The following CACNG2 variants were observed in gnomAD, a reference collection of about 807,000 sequenced individuals.
CACNG2 encodes the protein voltage-dependent calcium channel gamma-2 subunit.
Under a neutral mutation model 25.9 loss-of-function variants are expected in CACNG2, and 3 were observed. That is an observed-to-expected ratio of 0.12 (90% CI 0.05 to 0.30). The LOEUF (loss-of-function observed/expected upper bound fraction) is 0.30. Among genes scored for constraint, CACNG2 ranks in the 10% least tolerant of loss-of-function variants. The probability of loss-of-function intolerance (pLI) is 1.00; values close to 1 mark genes in which losing one functional copy is unlikely to be tolerated. For synonymous variants in CACNG2, 167 were observed against 173.3 expected (o/e 0.96, Z 0.29); for missense variants, 341 against 432.5 (o/e 0.79, Z 1.88).
intron 1 of CACNG2, among the ~76,000 whole-genome samples, chr22:36,649,393 G>C (rs890840205): frequency 6.6e-6 from 1 of 151,672 alleles, no homozygotes; most frequent in Non-Finnish European, 1.5e-5. Flanking sequence ...CCAGATTCCA[G>C]TTATTCTTCT....
intron 1 of CACNG2, among the ~76,000 whole-genome samples, chr22:36,700,756 T>G (rs553258514): frequency 1.3e-5 from 2 of 152,312 alleles, no homozygotes; most frequent in South Asian, 4.1e-4. Flanking sequence ...ATTTTCTGGC[T>G]GGGGAAGAGC....
chr22:36,604,477 A>G (rs1015746316), intron 1 of CACNG2, among the ~76,000 whole-genome samples: 1 of 152,270 alleles, frequency 6.6e-6, no homozygotes, highest in Non-Finnish European at 1.5e-5. Flanking sequence ...ATATCAAACA[A>G]TATCACTTGC....
At chr22:36,659,217 T>C (rs1441339871) in intron 1 of CACNG2, among the ~76,000 whole-genome samples, 3 of 152,058 alleles carry the variant, frequency 2.0e-5, no homozygotes, top group Non-Finnish European at 4.4e-5. Flanking sequence ...TCTGTCCTCT[T>C]GTGGGTGAGG....
chr22:36,596,129 G>T (rs1935674724), intron 1 of CACNG2, among the ~76,000 whole-genome samples: 1 of 152,236 alleles, frequency 6.6e-6, no homozygotes, highest in Non-Finnish European at 1.5e-5. Flanking sequence ...AGCCAGGAGG[G>T]GACACGGTGG....
In CACNG2 at chr22:36,563,661, C is replaced by T. The variant is rs375060504; in HGVS notation, c.*690G>A. Among the ~76,000 whole-genome samples, 2 of 152,012 alleles carry T rather than the reference C, an allele frequency of 1.3e-5. No individual in the cohort carries two copies. The highest frequency in any genetic ancestry group is 2.4e-5 in the African/African-American group (1 of 41,410). On this transcript the variant is annotated 3_prime_UTR_variant, in exon 4 of 4. Transcript: ENST00000300105. ...CTACGATTGCCCCATCAATGCTGGG[C>T]GGAGCCGGCTCGAGCTCTGAGCCTT... is the stretch of plus-strand genomic sequence containing the variant.
chr22:36,623,956 C>T (rs1027119987), intron 1 of CACNG2, among the ~76,000 whole-genome samples: 5 of 152,184 alleles, frequency 3.3e-5, no homozygotes, highest in Non-Finnish European at 5.9e-5. Flanking sequence ...GCCTCCAAGA[C>T]GGGGTTGGTC....
intron 1 of CACNG2, among the ~76,000 whole-genome samples, chr22:36,642,690 A>G (rs1450856569): frequency 6.6e-6 from 1 of 152,210 alleles, no homozygotes; most frequent in Non-Finnish European, 1.5e-5. Flanking sequence ...CTTAGACAAC[A>G]GGGGAAAGAC....
At chr22:36,626,108 C>T (rs1275313317) in intron 1 of CACNG2, among the ~76,000 whole-genome samples, 7 of 152,094 alleles carry the variant, frequency 4.6e-5, no homozygotes, top group African/African-American at 1.2e-4. Context: ...TTAGTAGAGA[C>T]GGGGTTTCAC....
intron 1 of CACNG2, among the ~76,000 whole-genome samples, chr22:36,609,343 GTGAT>G (rs1935891545): frequency 1.4e-5 from 2 of 141,760 alleles, no homozygotes; most frequent in Admixed American, 1.4e-4. Context: ...CCCCTAGAGT[GTGAT>G]CGGGCAGGAA....
intron 1 of CACNG2, among the ~76,000 whole-genome samples, chr22:36,648,281 A>T (rs1936557938): frequency 6.6e-6 from 1 of 152,250 alleles, no homozygotes; most frequent in Non-Finnish European, 1.5e-5. Context: ...AAATGCAAAT[A>T]AAAAATTTAA....
chr22:36,697,471 C>T (rs1937355237), intron 1 of CACNG2, among the ~76,000 whole-genome samples: 2 of 152,120 alleles, frequency 1.3e-5, no homozygotes, highest in South Asian at 2.1e-4. Flanking sequence ...CAATGTAGCC[C>T]GATGAGTCAT....
chr22:36,644,636 T>C (rs1936491081), intron 1 of CACNG2, among the ~76,000 whole-genome samples: 1 of 152,216 alleles, frequency 6.6e-6, no homozygotes, highest in Non-Finnish European at 1.5e-5. Flanking sequence ...CTGAATGACT[T>C]TGGCAAATTT....
At chr22:36,650,383 T>C (rs1388929171) in intron 1 of CACNG2, among the ~76,000 whole-genome samples, 1 of 152,076 alleles carries the variant, frequency 6.6e-6, no homozygotes, top group Non-Finnish European at 1.5e-5. Flanking sequence ...TTTTACTTTT[T>C]TTCTTGAGAC....
At chr22:36,584,089 C>T (rs1935462349) in intron 2 of CACNG2, among the ~76,000 whole-genome samples, 1 of 152,320 alleles carries the variant, frequency 6.6e-6, no homozygotes, top group South Asian at 2.1e-4. Flanking sequence ...AAGTGACATG[C>T]CCTCAGGACC....
intron 2 of CACNG2, among the ~76,000 whole-genome samples, chr22:36,572,966 T>C (rs1055710925): frequency 6.6e-6 from 1 of 152,194 alleles, no homozygotes; most frequent in African/African-American, 2.4e-5. Flanking sequence ...CATGTCTTTC[T>C]AGAGCTTATA....
chr22:36,635,461 T>G (rs997910911), intron 1 of CACNG2, among the ~76,000 whole-genome samples: 18 of 152,134 alleles, frequency 1.2e-4, no homozygotes, highest in Non-Finnish European at 5.9e-5. Context: ...AGGACAAAGA[T>G]GCTTGTTACT....
intron 1 of CACNG2, among the ~76,000 whole-genome samples, chr22:36,648,004 T>C (rs981554642): frequency 1.3e-5 from 2 of 152,232 alleles, no homozygotes; most frequent in African/African-American, 4.8e-5. Flanking sequence ...TTTAAAAATA[T>C]TGTTGAATGA....
chr22:36,662,841 C>G (rs1002434726), intron 1 of CACNG2, among the ~76,000 whole-genome samples: 1 of 152,034 alleles, frequency 6.6e-6, no homozygotes, highest in South Asian at 2.1e-4. Context: ...GTTGAGGAGC[C>G]GGGATTTGAA....
chr22:36,630,279 T>C (rs1037035712), intron 1 of CACNG2, among the ~76,000 whole-genome samples: 5 of 151,948 alleles, frequency 3.3e-5, no homozygotes, highest in Non-Finnish European at 1.5e-5. Context: ...TGGGTGGAGG[T>C]AGAAGCTGTG....
Sources: allele counts gnomAD v4.1 joint callset (sites outside exome capture counted in the v4.1 genomes callset), GRCh38; gene constraint gnomAD v4.1.1; transcripts MANE v1.5; gene names NCBI Gene and HGNC (gene_info 2026-07-23, HGNC 2026-07-21).